The following CNBD1 variants were observed in gnomAD, a reference collection of about 807,000 sequenced individuals.
The protein encoded by CNBD1 is cyclic nucleotide binding domain containing 1.
Under a neutral mutation model 54.4 loss-of-function variants are expected in CNBD1, and 71 were observed. The ratio of observed to expected loss-of-function variants is 1.30; its 90% CI spans 1.08 to 1.59. The LOEUF is 1.59. CNBD1 is among the 40% of genes most tolerant of loss of function. The probability of loss-of-function intolerance (pLI) is 0.00; values close to 1 mark genes in which losing one functional copy is unlikely to be tolerated. For missense variants in CNBD1, 659 were observed against 518.0 expected, an observed-to-expected ratio of 1.27 and a Z score of -2.64; for synonymous variants, 182 against 170.7, an observed-to-expected ratio of 1.07 and a Z score of -0.51.
intron 8 of CNBD1, among the ~76,000 whole-genome samples, chr8:87,344,065 G>A (rs190220326): frequency 7.3e-4 from 111 of 152,084 alleles, no homozygotes; most frequent in African/African-American, 2.5e-3. Flanking sequence ...TTGTAACAGA[G>A]GAAGTGTCAT....
chr8:86,948,911 C>T (rs1361367671), intron 4 of CNBD1, among the ~76,000 whole-genome samples: 1 of 152,198 alleles, frequency 6.6e-6, no homozygotes, highest in Non-Finnish European at 1.5e-5. Flanking sequence ...AGACTCTAAT[C>T]CATTTTGATT....
chr8:87,136,225 T>C (rs1326549704), intron 4 of CNBD1, among the ~76,000 whole-genome samples: 1 of 151,982 alleles, frequency 6.6e-6, no homozygotes, highest in Non-Finnish European at 1.5e-5. Context: ...GCTTTCCATG[T>C]CTGTCTAGGC....
intron 8 of CNBD1, among the ~76,000 whole-genome samples, chr8:87,302,078 A>G (rs1439767946): frequency 6.6e-6 from 1 of 152,196 alleles, no homozygotes; most frequent in Non-Finnish European, 1.5e-5. Flanking sequence ...AGCTGGTACC[A>G]TTCCTTCTGA....
At chr8:87,149,577 C>A (rs1363840061) in intron 4 of CNBD1, among the ~76,000 whole-genome samples, 1 of 152,100 alleles carries the variant, frequency 6.6e-6, no homozygotes, top group Non-Finnish European at 1.5e-5. Context: ...CAGTTGGTGG[C>A]TACAGATAAA....
At chr8:87,313,744 T>C in intron 8 of CNBD1, among the ~76,000 whole-genome samples, 1 of 151,902 alleles carries the variant, frequency 6.6e-6, no homozygotes, top group Non-Finnish European at 1.5e-5. Context: ...CAATTACTTG[T>C]TCTTAAATAG....
At chr8:87,334,615 T>C (rs1809903770) in intron 8 of CNBD1, among the ~76,000 whole-genome samples, 1 of 152,124 alleles carries the variant, frequency 6.6e-6, no homozygotes, top group African/African-American at 2.4e-5. Flanking sequence ...ATTTCTGCCT[T>C]AATTTTGTTA....
intron 10 of CNBD1, among the ~76,000 whole-genome samples, chr8:87,360,875 A>T (rs1047051594): frequency 6.6e-6 from 1 of 151,952 alleles, no homozygotes; most frequent in Non-Finnish European, 1.5e-5. Flanking sequence ...CATAATGCTT[A>T]ATACAAAGCA....
chr8:87,086,699 A>T (rs984608164), intron 4 of CNBD1, among the ~76,000 whole-genome samples: 1 of 152,162 alleles, frequency 6.6e-6, no homozygotes, highest in Non-Finnish European at 1.5e-5. Context: ...AAAAAAATTT[A>T]AATTATGTGA....
chr8:87,226,818 C>G (rs1422957188), intron 5 of CNBD1, among the ~76,000 whole-genome samples: 4 of 151,366 alleles, frequency 2.6e-5, no homozygotes, highest in African/African-American at 9.8e-5. Flanking sequence ...TCTCGTTGAT[C>G]TGTCTAATGT....
intron 8 of CNBD1, among the ~76,000 whole-genome samples, chr8:87,335,927 T>A (rs1489442326): frequency 6.6e-6 from 1 of 152,190 alleles, no homozygotes; most frequent in Admixed American, 6.5e-5. Flanking sequence ...CAGCATTTGC[T>A]TGTCTGAAAA....
At chr8:87,224,909 A>G (rs959243805) in intron 5 of CNBD1, among the ~76,000 whole-genome samples, 1 of 151,928 alleles carries the variant, frequency 6.6e-6, no homozygotes, top group African/African-American at 2.4e-5. Flanking sequence ...TGTATCCTCT[A>G]TTATTTCATT....
At chr8:87,402,437 A>C (rs1359365325) in intron 2 of CNBD1, among the ~76,000 whole-genome samples, 1 of 152,050 alleles carries the variant, frequency 6.6e-6, no homozygotes, top group Non-Finnish European at 1.5e-5. Flanking sequence ...ACATCAATTA[A>C]TTTCCATTTG....
At chr8:87,417,262 T>C (rs1047270064) in intron 2 of CNBD1, among the ~76,000 whole-genome samples, 10 of 151,860 alleles carry the variant, frequency 6.6e-5, no homozygotes, top group African/African-American at 2.4e-4. Flanking sequence ...CATAAAACCA[T>C]CAGATCTCAT....
At chr8:86,929,364 G>A (rs1655865654) in intron 3 of CNBD1, among the ~76,000 whole-genome samples, 2 of 152,168 alleles carry the variant, frequency 1.3e-5, no homozygotes, top group Non-Finnish European at 2.9e-5. Context: ...TAAGGTTCAG[G>A]TAAGCACCAG....
chr8:87,402,811 T>G (rs2130978521), intron 2 of CNBD1, among the ~76,000 whole-genome samples: 1 of 152,038 alleles, frequency 6.6e-6, no homozygotes, highest in East Asian at 1.9e-4. Flanking sequence ...AATGTGAAAA[T>G]GAGAGCAGAA....
intron 4 of CNBD1, among the ~76,000 whole-genome samples, chr8:87,074,871 G>C (rs1444337203): frequency 1.3e-5 from 2 of 152,162 alleles, no homozygotes; most frequent in Non-Finnish European, 2.9e-5. Context: ...CTTCTAATCA[G>C]CCATCTTGCA....
At chr8:87,349,219 A>C (rs1316132166) in intron 8 of CNBD1, among the ~76,000 whole-genome samples, 1 of 152,190 alleles carries the variant, frequency 6.6e-6, no homozygotes, top group African/African-American at 2.4e-5. Context: ...TCCAAACAAC[A>C]TTTATCTTGA....
intron 8 of CNBD1, among the ~76,000 whole-genome samples, chr8:87,303,842 C>A (rs1007644912): frequency 1.3e-5 from 2 of 152,078 alleles, no homozygotes. Flanking sequence ...TGAACAGACA[C>A]TTCTCAAAAG....
intron 4 of CNBD1, among the ~76,000 whole-genome samples, chr8:87,093,800 G>A (rs1038817698): frequency 6.6e-6 from 1 of 151,992 alleles, no homozygotes; most frequent in African/African-American, 2.4e-5. Flanking sequence ...TATAAGAAAC[G>A]TCTTCCATTT....
Sources: allele counts gnomAD v4.1 joint callset (sites outside exome capture counted in the v4.1 genomes callset), GRCh38; gene constraint gnomAD v4.1.1; transcripts MANE v1.5; gene names NCBI Gene and HGNC (gene_info 2026-07-23, HGNC 2026-07-21).